AGBL4: variants seen among roughly 807,000 people sequenced by gnomAD.
The protein encoded by AGBL4 is AGBL carboxypeptidase 4, also known as cytosolic carboxypeptidase 6.
AGBL4 carries 58 observed loss-of-function variants against 66.4 expected under a neutral mutation model. That is an observed-to-expected ratio of 0.87 (90% CI 0.71 to 1.09). AGBL4 has a LOEUF of 1.09. Ranked by LOEUF, AGBL4 falls within the 50% of genes least tolerant of loss-of-function variation. The probability of loss-of-function intolerance (pLI) is 0.00; values close to 1 mark genes in which losing one functional copy is unlikely to be tolerated. For synonymous variants in AGBL4, 234 were observed against 222.9 expected, an observed-to-expected ratio of 1.05 and a Z score of -0.44; for missense variants, 579 against 631.0, an observed-to-expected ratio of 0.92 and a Z score of 0.88.
chr1:49,703,124 A>G (rs1647131917), intron 2 of AGBL4, among the ~76,000 whole-genome samples: 2 of 152,144 alleles, frequency 1.3e-5, no homozygotes, highest in South Asian at 4.1e-4. Flanking sequence ...TTCATATTGA[A>G]AAGGAAGAAA....
chr1:49,835,301 C>T (rs1009237415), intron 2 of AGBL4, among the ~76,000 whole-genome samples: 1 of 152,038 alleles, frequency 6.6e-6, no homozygotes, highest in Non-Finnish European at 1.5e-5. Context: ...CTTCTTGTTG[C>T]ATTGATCCCT....
intron 3 of AGBL4, among the ~76,000 whole-genome samples, chr1:49,256,258 C>T (rs942863747): frequency 1.3e-5 from 2 of 152,038 alleles, no homozygotes; most frequent in Admixed American, 6.6e-5. Context: ...ACATTCTATA[C>T]ATATATCAAA....
At chr1:49,039,430 G>T (rs1193605318) in intron 5 of AGBL4, among the ~76,000 whole-genome samples, 4 of 152,110 alleles carry the variant, frequency 2.6e-5, no homozygotes, top group African/African-American at 4.8e-5. Flanking sequence ...GGCTATGCAT[G>T]TGTAGGGGAA....
chr1:49,464,835 A>C (rs1287378616), intron 3 of AGBL4, among the ~76,000 whole-genome samples: 2 of 151,656 alleles, frequency 1.3e-5, no homozygotes, highest in African/African-American at 4.8e-5. Flanking sequence ...CATGGGAGGA[A>C]GGCTGTGGGC....
At chr1:49,694,000 C>G (rs578061682) in intron 3 of AGBL4, among the ~76,000 whole-genome samples, 2 of 152,148 alleles carry the variant, frequency 1.3e-5, no homozygotes, top group Non-Finnish European at 1.5e-5. Flanking sequence ...TCCTGGGATA[C>G]AACACCATAT....
At chr1:49,888,070 G>A (rs926906829) in intron 1 of AGBL4, among the ~76,000 whole-genome samples, 1 of 152,100 alleles carries the variant, frequency 6.6e-6, no homozygotes, top group South Asian at 2.1e-4. Context: ...AAGCATAGAT[G>A]TCAGACTCCA....
intron 5 of AGBL4, among the ~76,000 whole-genome samples, chr1:48,907,738 T>C (rs1300660254): frequency 6.6e-6 from 1 of 152,076 alleles, no homozygotes; most frequent in Non-Finnish European, 1.5e-5. Flanking sequence ...ATAGACAAGG[T>C]TAAAATTCAG....
At chr1:49,930,231 C>T (rs1653195209) in intron 1 of AGBL4, among the ~76,000 whole-genome samples, 1 of 151,824 alleles carries the variant, frequency 6.6e-6, no homozygotes, top group African/African-American at 2.4e-5. Context: ...TGATAAATTC[C>T]TTGAGACACA....
At chr1:49,548,021 C>T (rs572792989) in intron 3 of AGBL4, among the ~76,000 whole-genome samples, 7 of 152,240 alleles carry the variant, frequency 4.6e-5, no homozygotes, top group African/African-American at 1.7e-4. Flanking sequence ...ATCCGCCTGC[C>T]TTGGCCTCCC....
intron 4 of AGBL4, among the ~76,000 whole-genome samples, chr1:49,117,351 C>T (rs931440636): frequency 7.9e-5 from 12 of 151,840 alleles, no homozygotes; most frequent in South Asian, 2.1e-4. Context: ...TTATGGTTTT[C>T]GATCTAACAT....
intron 5 of AGBL4, among the ~76,000 whole-genome samples, chr1:48,914,281 T>A (rs749054506): frequency 6.6e-6 from 1 of 152,144 alleles, no homozygotes; most frequent in Non-Finnish European, 1.5e-5. Flanking sequence ...CAGTAGCCTA[T>A]GGAAAATAGT....
At chr1:49,778,643 G>C (rs1050763148) in intron 2 of AGBL4, among the ~76,000 whole-genome samples, 1 of 152,166 alleles carries the variant, frequency 6.6e-6, no homozygotes, top group African/African-American at 2.4e-5. Flanking sequence ...TCCTGGATAA[G>C]GGAAAGCCTC....
chr1:48,725,273 G>A (rs911997805), intron 6 of AGBL4, among the ~76,000 whole-genome samples: 1 of 152,120 alleles, frequency 6.6e-6, no homozygotes, highest in African/African-American at 2.4e-5. Flanking sequence ...TGACATCTGT[G>A]TTAAAATACA....
At chr1:49,868,053 A>G (rs914325436) in intron 1 of AGBL4, among the ~76,000 whole-genome samples, 2 of 151,144 alleles carry the variant, frequency 1.3e-5, no homozygotes, top group Non-Finnish European at 3.0e-5. Flanking sequence ...AATACCTAGG[A>G]ATACAACTTA....
At chr1:48,799,907 T>G (rs1253117062) in intron 6 of AGBL4, among the ~76,000 whole-genome samples, 5 of 152,230 alleles carry the variant, frequency 3.3e-5, no homozygotes, top group African/African-American at 1.2e-4. Context: ...AGCTAGTGTT[T>G]TGCTGAGGAT....
At chr1:49,273,099 C>T (rs1489853272) in intron 3 of AGBL4, among the ~76,000 whole-genome samples, 1 of 152,098 alleles carries the variant, frequency 6.6e-6, no homozygotes, top group African/African-American at 2.4e-5. Flanking sequence ...AGAGAAGTGG[C>T]TATGGCAAGG....
At chr1:48,761,495 G>T (rs1443516523) in intron 6 of AGBL4, 12 of 1,544,220 alleles carry the variant, frequency 7.8e-6, no homozygotes, top group Non-Finnish European at 1.0e-5. Flanking sequence ...AAGAGAACAA[G>T]GTTCATCATG....
chr1:48,960,099 A>G (rs544549370), intron 5 of AGBL4, among the ~76,000 whole-genome samples: 6 of 152,334 alleles, frequency 3.9e-5, no homozygotes, highest in Admixed American at 3.3e-4. Flanking sequence ...TTAGTAGGCT[A>G]TTTCAAGAGT....
chr1:49,903,198 A>G (rs1649943914), intron 1 of AGBL4, among the ~76,000 whole-genome samples: 1 of 152,194 alleles, frequency 6.6e-6, no homozygotes, highest in African/African-American at 2.4e-5. Flanking sequence ...TTGCAACAAC[A>G]TGGATGGCGC....
Sources: gnomAD v4.1 joint callset for allele counts (sites outside exome capture counted in the v4.1 genomes callset) on GRCh38, gnomAD v4.1.1 for gene constraint, MANE v1.5 for transcripts, NCBI Gene and HGNC (gene_info 2026-07-23, HGNC 2026-07-21) for gene names.